CCDC60: variants seen among roughly 807,000 people sequenced by gnomAD.
The protein encoded by CCDC60 is coiled-coil domain-containing protein 60.
In CCDC60, 54 loss-of-function variants were observed where a neutral mutation model predicts 63.5. That is an observed-to-expected ratio of 0.85 (90% CI 0.68 to 1.07). CCDC60 has a LOEUF of 1.07. Ranked by LOEUF, CCDC60 falls within the 50% of genes least tolerant of loss-of-function variation. The pLI is 0.00. For synonymous variants in CCDC60, 206 were observed against 238.8 expected (o/e 0.86, Z 1.27); for missense variants, 651 against 684.3 (o/e 0.95, Z 0.54).
intron 2 of CCDC60, among the ~76,000 whole-genome samples, chr12:119,452,914 C>T (rs1593109329): frequency 6.6e-6 from 1 of 152,142 alleles, no homozygotes; most frequent in African/African-American, 2.4e-5. Context: ...CCTCCACCTC[C>T]CTGGTTCAAG....
chr12:119,344,841 TCTCTCTCTCTCTCTCACACA>T (rs1955571493), intron 1 of CCDC60, among the ~76,000 whole-genome samples: 1 of 106,430 alleles, frequency 9.4e-6, no homozygotes, highest in African/African-American at 3.6e-5. Context: ...TCTCTTTCTC[TCTCTCTCTCTCTCTCACACA>T]CACACACACA....
At chr12:119,412,618 CCTCA>C in intron 1 of CCDC60, among the ~76,000 whole-genome samples, 2 of 152,220 alleles carry the variant, frequency 1.3e-5, no homozygotes, top group Admixed American at 1.3e-4. Context: ...TGGTTCTAGC[CCTCA>C]CTCACTCGCT....
At chr12:119,455,628 CAAGG>C (rs1950713954) in intron 2 of CCDC60, among the ~76,000 whole-genome samples, 1 of 151,560 alleles carries the variant, frequency 6.6e-6, no homozygotes, top group African/African-American at 2.4e-5. Context: ...TTTGGGAGGC[CAAGG>C]AAGGAGGATC....
At chr12:119,513,732 A>G (rs1334835732) in intron 7 of CCDC60, among the ~76,000 whole-genome samples, 1 of 152,246 alleles carries the variant, frequency 6.6e-6, no homozygotes, top group Non-Finnish European at 1.5e-5. Context: ...TATCTTAGCC[A>G]TCATGATATC....
chr12:119,530,912 A>G lies in CCDC60; in HGVS notation c.1400A>G (p.Lys467Arg). The part of the protein sequence containing the change: ...DLLSKLPEDL[K>R]NFRPAKKILV... Reference sequence around the variant, plus strand: ...TTGTCCAAACTGCCAGAGGATCTAAAGAACTTCCGCCCCGCCAAAAAGATC... The same window carrying G: ...TTGTCCAAACTGCCAGAGGATCTAAGGAACTTCCGCCCCGCCAAAAAGATC... The change falls in exon 13 of 14, where the codon AAG (lysine) becomes AGG (arginine). Residue 467 changes from lysine (K) to arginine (R), a missense_variant. Transcript: ENST00000327554. 1 of 1,614,122 alleles carries G rather than the reference A, an allele frequency of 6.2e-7. No individual in the cohort carries two copies. Among genetic ancestry groups the G allele is most frequent in the Non-Finnish European group, 8.5e-7 (1 of 1,179,992 alleles).
intron 1 of CCDC60, among the ~76,000 whole-genome samples, chr12:119,396,505 C>G (rs557246620): frequency 6.6e-6 from 1 of 152,218 alleles, no homozygotes; most frequent in East Asian, 1.9e-4. Context: ...CCCACTATCA[C>G]AACAAGGGCT....
At chr12:119,405,374 G>A (rs1043521492) in intron 1 of CCDC60, among the ~76,000 whole-genome samples, 5 of 152,080 alleles carry the variant, frequency 3.3e-5, no homozygotes, top group African/African-American at 7.2e-5. Context: ...TCTGTTCCCC[G>A]GCTGTATTTT....
chr12:119,477,916 ACACT>A (rs1294040421), intron 3 of CCDC60, among the ~76,000 whole-genome samples: 3 of 152,146 alleles, frequency 2.0e-5, no homozygotes, highest in Non-Finnish European at 4.4e-5. Context: ...ACACACACAC[ACACT>A]CACAGAGAGA....
intron 5 of CCDC60, among the ~76,000 whole-genome samples, chr12:119,499,502 T>C (rs1437115774): frequency 6.6e-6 from 1 of 152,208 alleles, no homozygotes; most frequent in African/African-American, 2.4e-5. Flanking sequence ...TGACAATGAC[T>C]ACATCACAAG....
Position 119,522,992 on chromosome 12 carries a change from A to G in CCDC60, c.1094A>G (p.Lys365Arg), listed in dbSNP as rs1952571348. The stretch of plus-strand genomic sequence containing the variant: ...AGCCACATCCAACCAGTCCAGAAGA[A>G]GTCTAAAAAGTAAGCCAGGAGGGCA... ...AESHIQPVQKKSKNRTNCDIN... is the reference protein window; with the variant it reads ...AESHIQPVQKRSKNRTNCDIN... The change falls in exon 10 of 14, where the codon AAG becomes AGG. Residue 365 changes from lysine (K) to arginine (R), a missense_variant. By Grantham distance (26) the Lys-to-Arg change is conservative. Coordinates refer to ENST00000327554, the MANE Select transcript of CCDC60 (RefSeq NM_178499.5). 1 of 1,613,982 alleles carries G rather than the reference A, an allele frequency of 6.2e-7. No homozygotes were observed.
intron 1 of CCDC60, among the ~76,000 whole-genome samples, chr12:119,391,650 G>T (rs1033446247): frequency 2.3e-4 from 35 of 152,368 alleles, no homozygotes; most frequent in South Asian, 6.2e-4. Flanking sequence ...GTCATGTGAT[G>T]CTGCGGTGTC....
chr12:119,395,592 A>G lies in CCDC60; in HGVS notation c.91-33091A>G, dbSNP rs530871322. Among the ~76,000 whole-genome samples the G allele has an allele frequency of 2.6e-5, 4 of 152,364 alleles. No individual in the cohort carries two copies. In the East Asian group the frequency reaches 7.7e-4, roughly 29 times the overall value. On this transcript the variant is annotated intron_variant, in intron 1 of 13. Coordinates refer to ENST00000327554, the MANE Select transcript of CCDC60 (RefSeq NM_178499.5). ...CTAGGACCCAACAACATTGAGGATT[A>G]CAATTTGACATGAAATTTGGGCAGG...
At chr12:119,343,762 T>G (rs2136145060) in intron 1 of CCDC60, among the ~76,000 whole-genome samples, 1 of 151,702 alleles carries the variant, frequency 6.6e-6, no homozygotes, top group African/African-American at 2.4e-5. Context: ...ATCTTGAACG[T>G]TGGCTGGATA....
intron 1 of CCDC60, among the ~76,000 whole-genome samples, chr12:119,338,979 G>A (rs1231393496): frequency 6.6e-6 from 1 of 152,158 alleles, no homozygotes; most frequent in Non-Finnish European, 1.5e-5. Context: ...CAACTGCCTT[G>A]TACAGGCTCT....
intron 4 of CCDC60, chr12:119,479,654 T>C (rs1199081946): frequency 6.5e-6 from 1 of 153,704 alleles, no homozygotes; most frequent in East Asian, 1.9e-4. Context: ...AAGAACACTC[T>C]TGCTTTCTAA....
chr12:119,347,013 T>C (rs1786997785), intron 1 of CCDC60, among the ~76,000 whole-genome samples: 1 of 151,814 alleles, frequency 6.6e-6, no homozygotes, highest in African/African-American at 2.4e-5. Context: ...TTAATAGAGA[T>C]GGGGTTTCAC....
At chr12:119,346,741 G>GA (rs139316210) in intron 1 of CCDC60, among the ~76,000 whole-genome samples, 1 of 151,064 alleles carries the variant, frequency 6.6e-6, no homozygotes, top group African/African-American at 2.4e-5. Flanking sequence ...AGAAGAGGGA[G>GA]AAAAAACCTG....
Position 119,505,134 on chromosome 12 carries a change from A to C in CCDC60, c.714A>C (p.Thr238=). Residue 238 remains threonine, a synonymous_variant, in exon 7 of 14, where the codon ACA becomes ACC. Coordinates refer to ENST00000327554, the MANE Select transcript of CCDC60 (RefSeq NM_178499.5). Reference sequence around the variant, plus strand: ...GCAAACCAAGCCGGCGAGGCTCCACACTCAGTCTGAGTCGGGCCAGTGGGG... The same window carrying C: ...GCAAACCAAGCCGGCGAGGCTCCACCCTCAGTCTGAGTCGGGCCAGTGGGG... ...TNRKPSRRGS[T]LSLSRASGGS... The C allele has an allele frequency of 1.2e-6, 2 of 1,613,428 alleles. No individual in the cohort carries two copies. Among genetic ancestry groups the C allele is most frequent in the Non-Finnish European group, 1.7e-6 (2 of 1,179,724 alleles).
intron 7 of CCDC60, among the ~76,000 whole-genome samples, chr12:119,511,216 C>T (rs1352888171): frequency 6.6e-6 from 1 of 152,310 alleles, no homozygotes; most frequent in Non-Finnish European, 1.5e-5. Context: ...ATTAATTTCC[C>T]AGCCTCTCTT....
Sources: allele counts gnomAD v4.1 joint callset (sites outside exome capture counted in the v4.1 genomes callset), GRCh38; gene constraint gnomAD v4.1.1; transcripts MANE v1.5; gene names NCBI Gene and HGNC (gene_info 2026-07-23, HGNC 2026-07-21).